The following MYRIP variants were observed in gnomAD, a reference collection of about 807,000 sequenced individuals.
MYRIP encodes myosin VIIA and Rab interacting protein.
MYRIP carries 49 observed loss-of-function variants against 98.0 expected under a neutral mutation model. The observed-to-expected ratio is 0.50, with a 90% CI of 0.40 to 0.63. The LOEUF (loss-of-function observed/expected upper bound fraction) is 0.63, where lower values mean the gene tolerates loss of function less well. MYRIP is among the 30% of genes least tolerant of loss of function. The pLI is 0.00. For synonymous variants in MYRIP, 404 were observed against 409.5 expected, an observed-to-expected ratio of 0.99 and a Z score of 0.16; for missense variants, 1,004 against 1,058.2, an observed-to-expected ratio of 0.95 and a Z score of 0.71.
intron 3 of MYRIP, among the ~76,000 whole-genome samples, chr3:40,108,861 G>GGT (rs768391440): frequency 1.3e-4 from 20 of 152,130 alleles, no homozygotes; most frequent in East Asian, 7.7e-4. Flanking sequence ...CTCACATATG[G>GGT]GTGTGCCTTT....
intron 2 of MYRIP, among the ~76,000 whole-genome samples, chr3:39,989,518 G>A (rs9821384): frequency 2.6e-5 from 4 of 152,142 alleles, no homozygotes; most frequent in South Asian, 2.1e-4. Context: ...GGAGCAGAAC[G>A]CATTTAACAA....
chr3:39,917,878 A>T (rs4676542), intron 2 of MYRIP, among the ~76,000 whole-genome samples: 4 of 151,754 alleles, frequency 2.6e-5, no homozygotes, highest in Admixed American at 6.5e-5. Flanking sequence ...AACTTTATCT[A>T]TATAAATAAC....
chr3:40,057,976 G>A (rs1947917036), intron 3 of MYRIP, among the ~76,000 whole-genome samples: 1 of 152,110 alleles, frequency 6.6e-6, no homozygotes, highest in Non-Finnish European at 1.5e-5. Flanking sequence ...AAATCACTTA[G>A]CAATGACTTA....
chr3:40,180,021 C>G (rs1950849721), intron 8 of MYRIP, among the ~76,000 whole-genome samples: 1 of 152,212 alleles, frequency 6.6e-6, no homozygotes, highest in Non-Finnish European at 1.5e-5. Context: ...CAGAATGGCT[C>G]TGAATACCTA....
At chr3:40,115,597 G>A (rs542094389) in intron 3 of MYRIP, among the ~76,000 whole-genome samples, 12 of 152,322 alleles carry the variant, frequency 7.9e-5, no homozygotes, top group African/African-American at 2.6e-4. Flanking sequence ...AGATTTGGGT[G>A]AGGATACAGA....
chr3:40,108,381 A>G (rs919281975), intron 3 of MYRIP, among the ~76,000 whole-genome samples: 1 of 149,890 alleles, frequency 6.7e-6, no homozygotes, highest in African/African-American at 2.5e-5. Context: ...TCTTGCAGAG[A>G]AGAGATGCCA....
chr3:39,960,121 G>A (rs1480908845), intron 2 of MYRIP, among the ~76,000 whole-genome samples: 3 of 152,092 alleles, frequency 2.0e-5, no homozygotes, highest in African/African-American at 7.2e-5. Context: ...GGATGTGACA[G>A]TGACTTGTTC....
At chr3:40,130,713 T>A (rs1348282772) in intron 3 of MYRIP, among the ~76,000 whole-genome samples, 1 of 151,482 alleles carries the variant, frequency 6.6e-6, no homozygotes, top group Non-Finnish European at 1.5e-5. Flanking sequence ...TAAGAATATA[T>A]ATATATGTGT....
intron 2 of MYRIP, among the ~76,000 whole-genome samples, chr3:39,916,643 C>T (rs1427281253): frequency 1.3e-5 from 2 of 152,008 alleles, no homozygotes; most frequent in African/African-American, 4.8e-5. Flanking sequence ...TGGACATAAG[C>T]ATACCAAAGC....
intron 2 of MYRIP, among the ~76,000 whole-genome samples, chr3:39,988,505 A>C (rs1336790695): frequency 6.6e-6 from 1 of 151,990 alleles, no homozygotes; most frequent in African/African-American, 2.4e-5. Context: ...TGGTCTTCTC[A>C]TGGAATATCT....
At chr3:39,870,694 A>G (rs550207057) in intron 1 of MYRIP, among the ~76,000 whole-genome samples, 2 of 152,362 alleles carry the variant, frequency 1.3e-5, no homozygotes, top group Admixed American at 1.3e-4. Context: ...AGATTAAAAA[A>G]TAACTGTTTT....
chr3:39,937,562 A>G (rs1944683213), intron 2 of MYRIP, among the ~76,000 whole-genome samples: 1 of 152,222 alleles, frequency 6.6e-6, no homozygotes, highest in Non-Finnish European at 1.5e-5. Flanking sequence ...GCCCAATAAC[A>G]TACAATGTGG....
chr3:40,252,102 G>C, intron 16 of MYRIP, 103 bp downstream of exon 16: 1 of 873,876 alleles, frequency 1.1e-6, no homozygotes. Context: ...CCCCCAAAAA[G>C]TATCCTTCCT....
intron 2 of MYRIP, among the ~76,000 whole-genome samples, chr3:40,002,915 C>T: frequency 6.6e-6 from 1 of 151,666 alleles, no homozygotes; most frequent in East Asian, 1.9e-4. Context: ...TACAAGTATG[C>T]ATATATAGAC....
intron 2 of MYRIP, among the ~76,000 whole-genome samples, chr3:40,017,126 T>C (rs1006146855): frequency 2.6e-5 from 4 of 152,246 alleles, no homozygotes; most frequent in African/African-American, 7.2e-5. Flanking sequence ...ACATGGAATA[T>C]AACATTTTAA....
chr3:40,190,708 C>G (rs922182687), intron 10 of MYRIP, among the ~76,000 whole-genome samples: 2 of 152,170 alleles, frequency 1.3e-5, no homozygotes, highest in Admixed American at 1.3e-4. Context: ...CCCAGACCAG[C>G]AGCATCAGCA....
intron 2 of MYRIP, among the ~76,000 whole-genome samples, chr3:39,954,226 G>C (rs1411792729): frequency 1.3e-5 from 2 of 152,128 alleles, no homozygotes; most frequent in African/African-American, 2.4e-5. Context: ...GTGGGTCCCT[G>C]ACACCCAAGT....
intron 3 of MYRIP, among the ~76,000 whole-genome samples, chr3:40,060,554 A>T (rs1341161995): frequency 7.3e-6 from 1 of 137,346 alleles, no homozygotes; most frequent in African/African-American, 2.6e-5. Flanking sequence ...CTTGGAAAAC[A>T]TTATGGATTT....
chr3:40,188,472 T>G (rs1487834796), intron 9 of MYRIP, among the ~76,000 whole-genome samples: 1 of 119,864 alleles, frequency 8.3e-6, no homozygotes, highest in African/African-American at 3.3e-5. Context: ...ACAGTCCTGG[T>G]TAAAAGGAAA....
Sources: allele counts gnomAD v4.1 joint callset (sites outside exome capture counted in the v4.1 genomes callset), GRCh38; gene constraint gnomAD v4.1.1; transcripts MANE v1.5; gene names NCBI Gene and HGNC (gene_info 2026-07-23, HGNC 2026-07-21).